MMP26: variants seen among roughly 807,000 people sequenced by gnomAD.
MMP26 encodes the protein matrix metalloproteinase-26.
A neutral mutation model predicts 31.0 loss-of-function variants in MMP26; 33 were observed. That is an observed-to-expected ratio of 1.06 (90% CI 0.81 to 1.42). The LOEUF is 1.42. Ranked by LOEUF, MMP26 falls within the 40% of genes most tolerant of loss-of-function variation. The probability of loss-of-function intolerance (pLI) is 0.00; values close to 1 mark genes in which losing one functional copy is unlikely to be tolerated. For missense variants in MMP26, 347 were observed against 316.1 expected, an observed-to-expected ratio of 1.10 and a Z score of -0.74; for synonymous variants, 122 against 114.9, an observed-to-expected ratio of 1.06 and a Z score of -0.40.
At chr11:4,750,313 C>A (rs1293059797) in intron 1 of MMP26, among the ~76,000 whole-genome samples, 6 of 152,072 alleles carry the variant, frequency 3.9e-5, no homozygotes, top group Non-Finnish European at 8.8e-5. Context: ...CATTTACACA[C>A]TGTTGGTGGG....
Position 4,921,175 on chromosome 11 carries a change from G to A in MMP26, c.-144-66893G>A, listed in dbSNP as rs146965389. On this transcript the variant is annotated intron_variant, in intron 2 of 7. Coordinates refer to ENST00000380390, the MANE Select transcript of MMP26 (RefSeq NM_021801.5). ...TATATTCTTGTGACAAGTGGATGAA[G>A]TACCTATCTTATTTGAACTCTGTAA... is the stretch of plus-strand genomic sequence containing the variant. Among the ~76,000 whole-genome samples the A allele has an allele frequency of 9.3e-4, 142 of 152,280 alleles. 1 individual carries two copies. Among genetic ancestry groups the A allele is most frequent in the African/African-American group, 3.1e-3 (127 of 41,576 alleles).
chr11:4,923,833 T>C lies in MMP26; in HGVS notation c.-144-64235T>C, dbSNP rs775129616. On this transcript the variant is annotated intron_variant, in intron 2 of 7. Coordinates refer to ENST00000380390, the MANE Select transcript of MMP26 (RefSeq NM_021801.5). ...GAGCCAGCACATGGGAGTGGCAGTA[T>C]TGGAAGCGCTTCAGGAGGAATGGCA... 1.9e-6 allele frequency: 3 copies of C among 1,613,802 alleles called. No homozygotes were observed. The Admixed American group carries it at 5.0e-5, about 27-fold the overall frequency.
At chr11:4,826,744 T>C (rs762422401) in intron 2 of MMP26, among the ~76,000 whole-genome samples, 32 of 152,060 alleles carry the variant, frequency 2.1e-4, no homozygotes, top group Non-Finnish European at 4.4e-4. Flanking sequence ...AACATCTTCA[T>C]CACAGAGCAG....
At chr11:4,853,224 C>A (rs1305875420) in intron 2 of MMP26, among the ~76,000 whole-genome samples, 1 of 152,162 alleles carries the variant, frequency 6.6e-6, no homozygotes, top group Non-Finnish European at 1.5e-5. Context: ...CACACCCATA[C>A]AAACATGCAC....
chr11:4,742,363 G>A (rs560436681), intron 1 of MMP26, among the ~76,000 whole-genome samples: 1 of 152,262 alleles, frequency 6.6e-6, no homozygotes, highest in South Asian at 2.1e-4. Context: ...TGCGGAATAA[G>A]GAATGGTTTC....
intron 2 of MMP26, among the ~76,000 whole-genome samples, chr11:4,880,928 T>A (rs1850452246): frequency 6.6e-6 from 1 of 152,148 alleles, no homozygotes; most frequent in Admixed American, 6.5e-5. Flanking sequence ...AAAATAGGGA[T>A]GTTGACCTTT....
chr11:4,899,267 T>A (rs974411895), intron 2 of MMP26, among the ~76,000 whole-genome samples: 1 of 152,190 alleles, frequency 6.6e-6, no homozygotes, highest in African/African-American at 2.4e-5. Flanking sequence ...ATTACTCAAA[T>A]TCAACTGCTT....
chr11:4,925,208 G>A (rs914736857), intron 2 of MMP26, among the ~76,000 whole-genome samples: 1 of 152,140 alleles, frequency 6.6e-6, no homozygotes, highest in Admixed American at 6.5e-5. Flanking sequence ...GGTTTACAGA[G>A]CAAGTAAGTG....
chr11:4,822,312 G>T (rs762484961), intron 2 of MMP26: 42 of 1,508,322 alleles, frequency 2.8e-5, no homozygotes, highest in Non-Finnish European at 3.7e-5. Context: ...ACAGTGTAAA[G>T]ATTAAGCAGA....
At chr11:4,836,414 G>A (rs980059898) in intron 2 of MMP26, among the ~76,000 whole-genome samples, 2 of 150,404 alleles carry the variant, frequency 1.3e-5, no homozygotes, top group Non-Finnish European at 3.0e-5. Flanking sequence ...GATATACATT[G>A]TATATTATAT....
chr11:4,808,434 C>G (rs1849306674), intron 2 of MMP26, among the ~76,000 whole-genome samples: 1 of 152,076 alleles, frequency 6.6e-6, no homozygotes, highest in South Asian at 2.1e-4. Context: ...ACTGGAGCCT[C>G]TAGCACAGTC....
chr11:4,932,225 C>G (rs550131381), intron 2 of MMP26, among the ~76,000 whole-genome samples: 6 of 152,068 alleles, frequency 3.9e-5, no homozygotes, highest in Non-Finnish European at 7.4e-5. Flanking sequence ...ACTAAATAAT[C>G]ATTCTGGTCT....
intron 2 of MMP26, chr11:4,770,047 A>T (rs932530078): frequency 5.5e-5 from 33 of 603,042 alleles, no homozygotes; most frequent in South Asian, 2.0e-4. Context: ...CATAGATAAG[A>T]TCTGCATCAT....
At chr11:4,848,270 C>A in intron 2 of MMP26, 1 of 1,612,588 alleles carries the variant, frequency 6.2e-7, no homozygotes, top group Non-Finnish European at 8.5e-7. Context: ...TGGGCTGCAA[C>A]CTGTTGAGTA....
chr11:4,757,797 A>T (rs1397800236), intron 1 of MMP26, among the ~76,000 whole-genome samples: 1 of 152,048 alleles, frequency 6.6e-6, no homozygotes, highest in Non-Finnish European at 1.5e-5. Context: ...GAAACAGAAA[A>T]AAAGAGAAAA....
At chr11:4,977,871 G>T (rs1304776183) in intron 2 of MMP26, among the ~76,000 whole-genome samples, 1 of 151,930 alleles carries the variant, frequency 6.6e-6, no homozygotes, top group Non-Finnish European at 1.5e-5. Context: ...CTCAAACTGT[G>T]GCTTTTGTAT....
chr11:4,916,500 T>C (rs1331806601), intron 2 of MMP26, among the ~76,000 whole-genome samples: 1 of 152,208 alleles, frequency 6.6e-6, no homozygotes, highest in African/African-American at 2.4e-5. Context: ...CTTACTGTGC[T>C]TTCTTTGTTA....
rs371349949 is a variant in MMP26, at chr11:4,822,039, G to T, written c.-145+54698G>T. 1.3e-5 allele frequency: 21 copies of T among 1,613,692 alleles called. No homozygotes were observed. Among genetic ancestry groups the T allele is most frequent in the Non-Finnish European group, 1.7e-5 (20 of 1,179,902 alleles). ...GCATCCTTGGTCTGTTTGCGCTTTT[G>T]TCCACTACAGGGTTTGACTGCCCTT... On this transcript the variant is annotated intron_variant, in intron 2 of 7. Transcript: ENST00000380390.
rs143121507 is a variant in MMP26, at chr11:4,768,761, T to C, written c.-145+1420T>C. Reference sequence around the variant, plus strand: ...TGTTAATTGCCAGGAGTATTATTTATCATTTCATTATTGTTATTTTCCTAA... The same window carrying C: ...TGTTAATTGCCAGGAGTATTATTTACCATTTCATTATTGTTATTTTCCTAA... On this transcript the variant is annotated intron_variant, in intron 2 of 7. Coordinates refer to ENST00000380390, the MANE Select transcript of MMP26 (RefSeq NM_021801.5). Among the ~76,000 whole-genome samples, 739 of 152,362 alleles carry C rather than the reference T, an allele frequency of 4.9e-3. 3 individuals carry two copies. Among genetic ancestry groups the C allele is most frequent in the African/African-American group, 0.016 (681 of 41,588 alleles).
Sources: gnomAD v4.1 joint callset for allele counts (sites outside exome capture counted in the v4.1 genomes callset) on GRCh38, gnomAD v4.1.1 for gene constraint, MANE v1.5 for transcripts, NCBI Gene and HGNC (gene_info 2026-07-23, HGNC 2026-07-21) for gene names.